Variants in PRKN observed in about 807,000 individuals in gnomAD.
PRKN encodes E3 ubiquitin-protein ligase parkin.
PRKN carries 56 observed loss-of-function variants against 59.5 expected under a neutral mutation model. That is an observed-to-expected ratio of 0.94 (90% CI 0.76 to 1.18). PRKN has a LOEUF of 1.18. Ranked by LOEUF, PRKN falls within the 50% of genes most tolerant of loss-of-function variation. PRKN has a pLI of 0.00. For missense variants in PRKN, 657 were observed against 596.4 expected, an observed-to-expected ratio of 1.10 and a Z score of -1.06; for synonymous variants, 250 against 222.1, an observed-to-expected ratio of 1.13 and a Z score of -1.12.
intron 6 of PRKN, among the ~76,000 whole-genome samples, chr6:161,895,311 G>A (rs563703258): frequency 6.6e-6 from 1 of 152,222 alleles, no homozygotes; most frequent in African/African-American, 2.4e-5. Context: ...TGAACGATTG[G>A]CATAAGAAAA....
At chr6:161,720,779 T>A (rs906886530) in intron 7 of PRKN, among the ~76,000 whole-genome samples, 3 of 116,744 alleles carry the variant, frequency 2.6e-5, no homozygotes, top group Admixed American at 8.0e-5. Flanking sequence ...TTTTTTTTTT[T>A]AACTATTTTT....
intron 7 of PRKN, among the ~76,000 whole-genome samples, chr6:161,574,586 G>A (rs1239309409): frequency 6.6e-6 from 1 of 152,012 alleles, no homozygotes; most frequent in Non-Finnish European, 1.5e-5. Flanking sequence ...CAAACTCACT[G>A]CTTTTCAACT....
At chr6:162,705,109 A>G (rs1408145127) in intron 1 of PRKN, among the ~76,000 whole-genome samples, 1 of 152,202 alleles carries the variant, frequency 6.6e-6, no homozygotes, top group African/African-American at 2.4e-5. Context: ...AATAACTACT[A>G]AAAACTGGCT....
chr6:162,694,756 T>C (rs1479357007), intron 1 of PRKN: 1 of 152,256 alleles, frequency 6.6e-6, no homozygotes, highest in Non-Finnish European at 1.5e-5. Flanking sequence ...GTTATTCATC[T>C]GGATCACATA....
intron 6 of PRKN, among the ~76,000 whole-genome samples, chr6:161,832,516 C>T (rs989154100): frequency 2.7e-5 from 4 of 149,148 alleles, no homozygotes; most frequent in African/African-American, 9.9e-5. Context: ...CTCAGCTACT[C>T]GGGAGGCTGA....
In PRKN at chr6:162,676,838, G is replaced by C. The variant is rs373898379; in HGVS notation, c.7+50824C>G. ...AGCACTTTGGGAGGCAAGGCAGGTA[G>C]ATCATTGAGGCCAGGAGTTTGTGAG... On this transcript the variant is annotated intron_variant, in intron 1 of 11. Transcript: ENST00000366898. Among the ~76,000 whole-genome samples, 9 of 152,240 alleles carry C rather than the reference G, an allele frequency of 5.9e-5. 1 individual carries two copies. Among genetic ancestry groups the C allele is most frequent in the South Asian group, 2.1e-4 (1 of 4,824 alleles).
intron 6 of PRKN, among the ~76,000 whole-genome samples, chr6:161,791,637 A>G (rs1790643165): frequency 1.3e-5 from 2 of 152,238 alleles, no homozygotes; most frequent in African/African-American, 4.8e-5. Flanking sequence ...AGATATTTCA[A>G]GCTATGCAAA....
At chr6:161,750,172 C>T (rs967284063) in intron 7 of PRKN, among the ~76,000 whole-genome samples, 4 of 151,114 alleles carry the variant, frequency 2.6e-5, no homozygotes, top group Non-Finnish European at 5.9e-5. Flanking sequence ...ATTGTTTTGC[C>T]TCCTAACTTG....
intron 5 of PRKN, among the ~76,000 whole-genome samples, chr6:162,023,420 CA>C (rs1562467204): frequency 1.3e-5 from 2 of 152,118 alleles, no homozygotes; most frequent in African/African-American, 4.8e-5. Flanking sequence ...GCTGATGGGG[CA>C]GCAAGAAGGA....
Position 161,971,138 on chromosome 6 carries a change from C to A in PRKN, c.734+2164G>T, listed in dbSNP as rs902667419. Reference sequence around the variant, plus strand: ...TTCTATTTATAAATTCTCCCAAAGGCAATCATATGAACAAAATTAATGTGA... The same window carrying A: ...TTCTATTTATAAATTCTCCCAAAGGAAATCATATGAACAAAATTAATGTGA... On this transcript the variant is annotated intron_variant, in intron 6 of 11. Coordinates refer to ENST00000366898, the MANE Select transcript of PRKN (RefSeq NM_004562.3). 3.3e-5 allele frequency among the ~76,000 whole-genome samples: 5 copies of A among 152,118 alleles called. No individual in the cohort carries two copies. In the East Asian group the frequency reaches 9.6e-4, roughly 29 times the overall value.
intron 2 of PRKN, among the ~76,000 whole-genome samples, chr6:162,406,817 GCTTTTCAGAA>G (rs1788098271): frequency 1.3e-5 from 2 of 152,222 alleles, no homozygotes; most frequent in African/African-American, 4.8e-5. Flanking sequence ...CTGATGGGAA[GCTTTTCAGAA>G]TACAGATAAC....
chr6:161,788,226 T>C (rs1790501881), intron 6 of PRKN, among the ~76,000 whole-genome samples: 1 of 152,156 alleles, frequency 6.6e-6, no homozygotes, highest in Non-Finnish European at 1.5e-5. Context: ...ACATCAATTG[T>C]CCTACTCTAT....
chr6:161,844,209 A>T (rs10945781), intron 6 of PRKN, among the ~76,000 whole-genome samples: 1 of 152,034 alleles, frequency 6.6e-6, no homozygotes, highest in South Asian at 2.1e-4. Flanking sequence ...AAAGACTAAA[A>T]GATCTTTCAA....
In PRKN at chr6:162,176,283, T is replaced by G. The variant is rs182051467; in HGVS notation, c.534+24848A>C. Among the ~76,000 whole-genome samples the G allele has an allele frequency of 2.8e-3, 420 of 152,246 alleles. 2 individuals are homozygous for G. Among genetic ancestry groups the G allele is most frequent in the African/African-American group, 9.1e-3 (379 of 41,538 alleles). ...GTTGGTTGAGGCTAGGCTAGTGTTT[T>G]AAGTTGGTTGAGGCTAATTTAATTT... On this transcript the variant is annotated intron_variant, in intron 4 of 11. Coordinates refer to ENST00000366898, the MANE Select transcript of PRKN (RefSeq NM_004562.3).
At chr6:162,043,892 G>A (rs1784156132) in intron 5 of PRKN, among the ~76,000 whole-genome samples, 1 of 152,170 alleles carries the variant, frequency 6.6e-6, no homozygotes, top group Non-Finnish European at 1.5e-5. Flanking sequence ...GATTCCCACT[G>A]AGGAACACCC....
chr6:161,478,632 T>C (rs1791240336), intron 9 of PRKN, among the ~76,000 whole-genome samples: 1 of 152,050 alleles, frequency 6.6e-6, no homozygotes, highest in South Asian at 2.1e-4. Context: ...ATCATGTGAG[T>C]CCAGGGGTTT....
chr6:161,850,574 C>CAAAAAAAAA (rs10651778), intron 6 of PRKN, among the ~76,000 whole-genome samples: 4 of 88,262 alleles, frequency 4.5e-5, no homozygotes, highest in African/African-American at 1.8e-4. Flanking sequence ...GACTACGTCT[C>CAAAAAAAAA]AAAAAAAAAA....
At chr6:161,612,897 G>A (rs998865277) in intron 7 of PRKN, among the ~76,000 whole-genome samples, 5 of 152,100 alleles carry the variant, frequency 3.3e-5, no homozygotes, top group African/African-American at 1.2e-4. Context: ...AAATATTACT[G>A]CTCAATGACA....
chr6:162,156,957 C>T lies in PRKN; in HGVS notation c.534+44174G>A, dbSNP rs116590075. ...GGCACTCAGGTCATCTCAAGCATTT[C>T]CCCATTGCAAATCACATTTTATGAA... On this transcript the variant is annotated intron_variant, in intron 4 of 11. Coordinates refer to ENST00000366898, the MANE Select transcript of PRKN (RefSeq NM_004562.3). 9.1e-3 allele frequency among the ~76,000 whole-genome samples: 1,372 copies of T among 151,316 alleles called. 24 individuals carry two copies. The highest frequency in any genetic ancestry group is 0.031 in the African/African-American group (1,293 of 41,228).
Sources: allele counts gnomAD v4.1 joint callset (sites outside exome capture counted in the v4.1 genomes callset), GRCh38; gene constraint gnomAD v4.1.1; transcripts MANE v1.5; gene names NCBI Gene and HGNC (gene_info 2026-07-23, HGNC 2026-07-21).